The following CMSS1 variants were observed in gnomAD, a reference collection of about 807,000 sequenced individuals.
CMSS1 encodes the protein cms1 ribosomal small subunit homolog, also known as protein CMSS1.
CMSS1 carries 33 observed loss-of-function variants against 43.5 expected under a neutral mutation model. The observed-to-expected ratio is 0.76, with a 90% CI of 0.57 to 1.01. The LOEUF (loss-of-function observed/expected upper bound fraction) is 1.01. Ranked by LOEUF, CMSS1 falls within the 50% of genes least tolerant of loss-of-function variation. CMSS1 has a pLI of 0.00. For synonymous variants in CMSS1, 115 were observed against 117.2 expected (o/e 0.98, Z 0.12); for missense variants, 313 against 326.4 (o/e 0.96, Z 0.32).
intron 1 of CMSS1, among the ~76,000 whole-genome samples, chr3:100,104,481 T>C (rs2066361721): frequency 6.6e-6 from 1 of 152,214 alleles, no homozygotes; most frequent in Non-Finnish European, 1.5e-5. Flanking sequence ...AACTTTTAAA[T>C]AAAACTGTTA....
chr3:100,136,652 A>G (rs1195436665), intron 1 of CMSS1, among the ~76,000 whole-genome samples: 2 of 152,156 alleles, frequency 1.3e-5, no homozygotes, highest in African/African-American at 4.8e-5. Flanking sequence ...TTCACAGAGG[A>G]GGGAAAACCT....
intron 1 of CMSS1, chr3:99,850,597 T>G: frequency 6.2e-7 from 1 of 1,613,874 alleles, no homozygotes; most frequent in Non-Finnish European, 8.5e-7. Context: ...ATATTCTCCC[T>G]TACTGATTTT....
At chr3:99,868,542 C>G (rs2107575530) in intron 1 of CMSS1, among the ~76,000 whole-genome samples, 1 of 152,322 alleles carries the variant, frequency 6.6e-6, no homozygotes, top group East Asian at 1.9e-4. Flanking sequence ...ACTGCTTCAT[C>G]ACGTTTAAGC....
At chr3:100,070,018 A>T (rs1017163890) in intron 1 of CMSS1, among the ~76,000 whole-genome samples, 2 of 152,080 alleles carry the variant, frequency 1.3e-5, no homozygotes, top group South Asian at 4.1e-4. Flanking sequence ...TTGATCCTCA[A>T]ATAAAAAACT....
chr3:99,925,913 G>A (rs1376153278), intron 1 of CMSS1: 1 of 984,188 alleles, frequency 1.0e-6, no homozygotes, highest in Non-Finnish European at 1.2e-6. Flanking sequence ...GGGGTAAGCT[G>A]CCACCAGAAA....
chr3:99,929,562 A>T (rs1349638544), intron 1 of CMSS1, among the ~76,000 whole-genome samples: 1 of 150,200 alleles, frequency 6.7e-6, no homozygotes, highest in East Asian at 2.0e-4. Flanking sequence ...ATGTGTGTGC[A>T]TGTGTGTGTT....
At chr3:100,047,540 A>AT (rs1287661897) in intron 1 of CMSS1, among the ~76,000 whole-genome samples, 2 of 152,250 alleles carry the variant, frequency 1.3e-5, no homozygotes, top group African/African-American at 4.8e-5. Context: ...ACTGCGAATG[A>AT]TTAAGTGGCC....
intron 1 of CMSS1, among the ~76,000 whole-genome samples, chr3:99,989,396 C>A (rs1453934274): frequency 6.6e-6 from 1 of 152,136 alleles, no homozygotes; most frequent in African/African-American, 2.4e-5. Flanking sequence ...ACTATCACTT[C>A]CCATTCTAGT....
chr3:100,074,876 TAGAGACAGGG>T (rs1247503243), intron 1 of CMSS1, among the ~76,000 whole-genome samples: 44 of 151,826 alleles, frequency 2.9e-4, no homozygotes, highest in African/African-American at 1.1e-3. Flanking sequence ...GTCTTTTTAA[TAGAGACAGGG>T]TTTCGCCGTG....
chr3:100,168,417 G>A (rs1015543609), intron 6 of CMSS1, among the ~76,000 whole-genome samples: 2 of 152,092 alleles, frequency 1.3e-5, no homozygotes, highest in African/African-American at 2.4e-5. Flanking sequence ...GACAGAAGCC[G>A]GGCACAGCAG....
At chr3:100,169,621 T>C (rs1192557722) in intron 6 of CMSS1, among the ~76,000 whole-genome samples, 1 of 152,244 alleles carries the variant, frequency 6.6e-6, no homozygotes, top group African/African-American at 2.4e-5. Context: ...CATTAAATTG[T>C]ATCACATTAT....
intron 1 of CMSS1, among the ~76,000 whole-genome samples, chr3:99,820,076 C>G (rs1379937961): frequency 1.3e-5 from 2 of 151,964 alleles, no homozygotes; most frequent in Non-Finnish European, 2.9e-5. Context: ...AACACTGAAT[C>G]TAGTAAAACT....
chr3:100,041,319 A>G (rs981431521), intron 1 of CMSS1: 10 of 152,184 alleles, frequency 6.6e-5, no homozygotes, highest in Non-Finnish European at 2.9e-5. Context: ...TGGAAACTCT[A>G]TGACATCCTA....
intron 1 of CMSS1, chr3:100,040,335 T>G (rs1250597599): frequency 6.6e-6 from 1 of 152,240 alleles, no homozygotes; most frequent in Non-Finnish European, 1.5e-5. Flanking sequence ...TAAATACTAT[T>G]TATCCAGGCC....
rs374199598 is a variant in CMSS1 at position 99,908,493 on chromosome 3, C to G, written c.64+90450C>G. Among the ~76,000 whole-genome samples the G allele has an allele frequency of 5.3e-5, 8 of 152,088 alleles. No homozygotes were observed. The East Asian group carries it at 9.7e-4, about 18-fold the overall frequency. ...AGGAATCTATACTTTTAAGTGTCTC[C>G]CCAGGCAATAATGATGATCACTTAG... On this transcript the variant is annotated intron_variant, in intron 1 of 9. Coordinates refer to ENST00000421999, the MANE Select transcript of CMSS1 (RefSeq NM_032359.4).
chr3:100,046,388 T>C (rs1340031561), intron 1 of CMSS1, among the ~76,000 whole-genome samples: 2 of 152,228 alleles, frequency 1.3e-5, no homozygotes, highest in Non-Finnish European at 2.9e-5. Context: ...ATCAGGTTGT[T>C]CACCTATTTC....
rs769236331 is a variant in CMSS1 at position 100,162,298 on chromosome 3, CT to C, written c.226-3del. On this transcript the variant is annotated splice_region_variant and splice_polypyrimidine_tract_variant and intron_variant, in intron 3 of 9. Coordinates refer to ENST00000421999, the MANE Select transcript of CMSS1 (RefSeq NM_032359.4). Reference sequence around the variant, plus strand: ...GTCCCATTTTTCTTCTTTCTCATATCTTAGAAGAAAATTACTGATGTTCTTG... The same window carrying C: ...GTCCCATTTTTCTTCTTTCTCATATCTAGAAGAAAATTACTGATGTTCTTG... 1.0e-5 allele frequency: 16 copies of C among 1,606,478 alleles called. No individual in the cohort carries two copies. The South Asian group carries it at 1.8e-4, about 18-fold the overall frequency.
intron 1 of CMSS1, among the ~76,000 whole-genome samples, chr3:100,087,528 A>G (rs889036402): frequency 3.9e-5 from 6 of 152,104 alleles, no homozygotes; most frequent in East Asian, 1.9e-4. Flanking sequence ...TCATCCAAGT[A>G]TAGTCTTTAG....
chr3:100,019,107 AC>A (rs1710429715), intron 1 of CMSS1, among the ~76,000 whole-genome samples: 1 of 152,250 alleles, frequency 6.6e-6, no homozygotes, highest in Admixed American at 6.5e-5. Flanking sequence ...GTAAATTGAT[AC>A]AGCAGTATGG....
Sources: gnomAD v4.1 joint callset for allele counts (sites outside exome capture counted in the v4.1 genomes callset) on GRCh38, gnomAD v4.1.1 for gene constraint, MANE v1.5 for transcripts, NCBI Gene and HGNC (gene_info 2026-07-23, HGNC 2026-07-21) for gene names.